Variants in BCL11B observed in about 807,000 individuals in gnomAD.
BCL11B encodes the protein B-cell lymphoma/leukemia 11B.
In BCL11B, 8 loss-of-function variants were observed where a neutral mutation model predicts 49.9. The ratio of observed to expected loss-of-function variants is 0.16; its 90% CI spans 0.09 to 0.29. BCL11B has a LOEUF of 0.29. Ranked by LOEUF, BCL11B falls within the 10% of genes least tolerant of loss-of-function variation. BCL11B has a pLI of 1.00. For missense variants in BCL11B, 1,006 were observed against 1,351.0 expected (o/e 0.74, Z 4.00); for synonymous variants, 739 against 637.4 (o/e 1.16, Z -2.40).
chr14:99,225,115 AATC>A (rs1888122673), intron 3 of BCL11B, among the ~76,000 whole-genome samples: 1 of 152,214 alleles, frequency 6.6e-6, no homozygotes, highest in Non-Finnish European at 1.5e-5. Context: ...GTCAGGCAGA[AATC>A]AATCTTTAAG....
At chr14:99,249,688 A>G (rs1234961918) in intron 2 of BCL11B, among the ~76,000 whole-genome samples, 3 of 152,212 alleles carry the variant, frequency 2.0e-5, no homozygotes, top group Admixed American at 2.0e-4. Flanking sequence ...AAATAACTTA[A>G]CATCTCTGGG....
At chr14:99,250,033 C>CTTTT (rs35826122) in intron 2 of BCL11B, among the ~76,000 whole-genome samples, 2 of 106,258 alleles carry the variant, frequency 1.9e-5, no homozygotes, top group East Asian at 2.6e-4. Flanking sequence ...ACAGGAGAAT[C>CTTTT]TTTTTTTTTT....
chr14:99,196,834 C>T (rs915997592), intron 3 of BCL11B, among the ~76,000 whole-genome samples: 7 of 152,196 alleles, frequency 4.6e-5, no homozygotes, highest in African/African-American at 1.4e-4. Flanking sequence ...ACTCGAACAC[C>T]GAGCACCTTC....
intron 3 of BCL11B, among the ~76,000 whole-genome samples, chr14:99,229,959 G>A (rs1261581817): frequency 1.3e-5 from 2 of 152,218 alleles, no homozygotes; most frequent in African/African-American, 4.8e-5. Context: ...GCCCAGAAAA[G>A]GGAGCCGGCG....
chr14:99,175,168 G>T lies in BCL11B; in HGVS notation c.1668C>A (p.Phe556Leu). The change falls in exon 4 of 4, where the codon TTC (phenylalanine) becomes TTA (leucine). Residue 556 changes from phenylalanine to leucine, a missense_variant. Phe to Leu is a conservative substitution (Grantham distance 22). Coordinates refer to ENST00000357195, the MANE Select transcript of BCL11B (RefSeq NM_138576.4). ...TGCGGCTCAGCTCCGAGTCCATGCT[G>T]AAGCTCGACTCGGGCCGGCTCTCGT... Reference protein sequence around the residue: ...LENESRPESSFSMDSELSRNR... With the variant: ...LENESRPESSLSMDSELSRNR... The T allele has an allele frequency of 6.3e-7, 1 of 1,588,222 alleles. No individual in the cohort carries two copies.
intron 2 of BCL11B, among the ~76,000 whole-genome samples, chr14:99,251,305 G>A (rs1030276776): frequency 6.6e-6 from 1 of 152,166 alleles, no homozygotes; most frequent in African/African-American, 2.4e-5. Context: ...CCACCGGCAG[G>A]ATCTCCATTA....
chr14:99,207,672 G>A (rs1887571789), intron 3 of BCL11B, among the ~76,000 whole-genome samples: 1 of 152,228 alleles, frequency 6.6e-6, no homozygotes. Context: ...CCAGAGGCAG[G>A]TGCAAGTGCT....
intron 3 of BCL11B, among the ~76,000 whole-genome samples, chr14:99,203,512 A>G (rs188337518): frequency 6.6e-6 from 1 of 152,334 alleles, no homozygotes. Context: ...GTGAGGATGA[A>G]GAAAGGAGAA....
chr14:99,176,014 C>T lies in BCL11B; in HGVS notation c.822G>A (p.Val274=). Reference sequence around the variant, plus strand: ...GGAAATTCATGAGCGGGGACTGCGCCACGGCCTCCGGCCCGAGCGGCGGCG... The same window carrying T: ...GGAAATTCATGAGCGGGGACTGCGCTACGGCCTCCGGCCCGAGCGGCGGCG... ...TIPPPLGPEA[V]AQSPLMNFLG... Residue 274 remains valine (V), a synonymous_variant, in exon 4 of 4, where the codon GTG becomes GTA. Coordinates refer to ENST00000357195, the MANE Select transcript of BCL11B (RefSeq NM_138576.4). 1 of 1,560,558 alleles carries T rather than the reference C, an allele frequency of 6.4e-7. No homozygotes were observed. The highest frequency in any genetic ancestry group is 1.4e-5 in the African/African-American group (1 of 72,510).
At chr14:99,219,927 C>T (rs1018789812) in intron 3 of BCL11B, among the ~76,000 whole-genome samples, 4 of 152,206 alleles carry the variant, frequency 2.6e-5, no homozygotes, top group Non-Finnish European at 4.4e-5. Flanking sequence ...TGGTAGCCCC[C>T]AGCAGTCCAG....
At chr14:99,199,683 T>TGTGTGTGC (rs759599743) in intron 3 of BCL11B, among the ~76,000 whole-genome samples, 67 of 73,728 alleles carry the variant, frequency 9.1e-4, no homozygotes, top group Middle Eastern at 0.012. Flanking sequence ...TGTGTGTGTG[T>TGTGTGTGC]GCGCGCGCGC....
rs936126912 is a variant in BCL11B, at chr14:99,228,225, G to C, written c.640+3120C>G. Among the ~76,000 whole-genome samples the C allele has an allele frequency of 1.3e-5, 2 of 152,304 alleles. No homozygotes were observed. Among genetic ancestry groups the C allele is most frequent in the African/African-American group, 4.8e-5 (2 of 41,574 alleles). Reference sequence around the variant, plus strand: ...GCCCATTCCATCTTTACAAAGGCCTGCTTCTTCCTAACGGGTTACTGGGAA... The same window carrying C: ...GCCCATTCCATCTTTACAAAGGCCTCCTTCTTCCTAACGGGTTACTGGGAA... On this transcript the variant is annotated intron_variant, in intron 3 of 3. Coordinates refer to ENST00000357195, the MANE Select transcript of BCL11B (RefSeq NM_138576.4). The surrounding 1 kb of genome is among the most constrained non-coding windows in gnomAD (Gnocchi z 4.8).
chr14:99,190,469 C>A (rs1886990780), intron 3 of BCL11B, among the ~76,000 whole-genome samples: 1 of 152,238 alleles, frequency 6.6e-6, no homozygotes, highest in African/African-American at 2.4e-5. Context: ...GCCTGGGCGA[C>A]AGAGCGAGAC....
chr14:99,214,600 G>A (rs894753426), intron 3 of BCL11B, among the ~76,000 whole-genome samples: 5 of 150,120 alleles, frequency 3.3e-5, no homozygotes, highest in Non-Finnish European at 7.4e-5. Context: ...CATGGCACAC[G>A]TTTACCTATG....
At chr14:99,221,295 GC>G (rs1442253885) in intron 3 of BCL11B, among the ~76,000 whole-genome samples, 22 of 152,328 alleles carry the variant, frequency 1.4e-4, no homozygotes, top group African/African-American at 4.6e-4. Flanking sequence ...AGTGGGCCTT[GC>G]CCCACTAGCT....
chr14:99,271,314 T>TGCCGCCGCCGCC lies in BCL11B; in HGVS notation c.-108_-97dup, dbSNP rs537810518. 1.1e-5 allele frequency: 9 copies of TGCCGCCGCCGCC among 849,280 alleles called. No homozygotes were observed. The highest frequency in any genetic ancestry group is 7.0e-5 in the African/African-American group (4 of 57,166). 52.6% of individuals were successfully genotyped at this position (849,280 alleles called of 1,614,324 possible). A position where few individuals can be genotyped will look rare whatever the true frequency, so the allele number is the denominator to read the frequency against. ...GCCGCCGCCGCGCCGCTGCCGCCGC[T>TGCCGCCGCCGCC]GCCGCCGCCGCCGCCGCCGCCGCAC... On this transcript the variant is annotated 5_prime_UTR_variant, in exon 1 of 4. Coordinates refer to ENST00000357195, the MANE Select transcript of BCL11B (RefSeq NM_138576.4).
At chr14:99,239,957 G>C (rs1008877007) in intron 2 of BCL11B, among the ~76,000 whole-genome samples, 2 of 152,162 alleles carry the variant, frequency 1.3e-5, no homozygotes, top group Non-Finnish European at 2.9e-5. Flanking sequence ...CCAGCAAGGA[G>C]GTTATTGGGA....
chr14:99,244,853 C>T (rs528192951), intron 2 of BCL11B, among the ~76,000 whole-genome samples: 3 of 152,326 alleles, frequency 2.0e-5, no homozygotes. Flanking sequence ...GCAAGTGTAA[C>T]ATACTATTTC....
At chr14:99,270,412 C>A (rs570049826) in intron 1 of BCL11B, among the ~76,000 whole-genome samples, 4 of 151,834 alleles carry the variant, frequency 2.6e-5, no homozygotes, top group African/African-American at 7.2e-5. Flanking sequence ...AACCCCAATC[C>A]CCCCACCTTT....
Sources: gnomAD v4.1 joint callset for allele counts (sites outside exome capture counted in the v4.1 genomes callset) on GRCh38, gnomAD v4.1.1 for gene constraint, Gnocchi (gnomAD v3.1) non-coding constraint, MANE v1.5 for transcripts, NCBI Gene and HGNC (gene_info 2026-07-23, HGNC 2026-07-21) for gene names.